NCALD: variants seen among roughly 807,000 people sequenced by gnomAD.
NCALD encodes the protein neurocalcin-delta.
A neutral mutation model predicts 18.6 loss-of-function variants in NCALD; 10 were observed. The observed-to-expected ratio is 0.54, with a 90% CI of 0.33 to 0.91. NCALD has a LOEUF of 0.91. Ranked by LOEUF, NCALD falls within the 40% of genes least tolerant of loss-of-function variation. NCALD has a pLI of 0.03. For missense variants in NCALD, 184 were observed against 247.6 expected, an observed-to-expected ratio of 0.74 and a Z score of 1.72; for synonymous variants, 88 against 87.4, an observed-to-expected ratio of 1.01 and a Z score of -0.04.
chr8:101,894,681 A>G (rs1295316368), intron 3 of NCALD, among the ~76,000 whole-genome samples: 2 of 151,236 alleles, frequency 1.3e-5, no homozygotes, highest in African/African-American at 4.9e-5. Context: ...TAAAGGGGGT[A>G]TCACCACAGA....
chr8:101,784,758 C>G (rs1343598114), intron 1 of NCALD, among the ~76,000 whole-genome samples: 1 of 151,898 alleles, frequency 6.6e-6, no homozygotes, highest in Non-Finnish European at 1.5e-5. Context: ...ATGATTACAC[C>G]ACTGCACTTC....
chr8:101,997,827 G>A (rs540304857), intron 2 of NCALD, among the ~76,000 whole-genome samples: 2 of 152,274 alleles, frequency 1.3e-5, no homozygotes, highest in East Asian at 1.9e-4. Context: ...ACAGCTGGGG[G>A]TATGAGAGGC....
rs112745247 is a variant in NCALD at position 101,827,330 on chromosome 8, T to C, written c.-20+59811A>G. 5.7e-3 allele frequency among the ~76,000 whole-genome samples: 866 copies of C among 152,330 alleles called. 11 individuals are homozygous for C. The highest frequency in any genetic ancestry group is 0.018 in the African/African-American group (761 of 41,570). The stretch of plus-strand genomic sequence containing the variant: ...GATTATCTCTCCATCTCAAGATCCT[T>C]AATTTAATCGCCTCTGCAAAGACCC... On this transcript the variant is annotated intron_variant, in intron 4 of 6. Coordinates refer to the NCALD transcript ENST00000311028.
chr8:101,691,013 C>CT (rs940096889), intron 3 of NCALD: 1 of 985,300 alleles, frequency 1.0e-6, no homozygotes, highest in African/African-American at 1.7e-5. Flanking sequence ...CCAGATTTTT[C>CT]TTTTCAAATC....
chr8:102,012,824 C>T (rs193084642), intron 2 of NCALD, among the ~76,000 whole-genome samples: 4 of 152,294 alleles, frequency 2.6e-5, no homozygotes, highest in Admixed American at 2.0e-4. Flanking sequence ...GACTGCAAAA[C>T]ACACATGAAT....
chr8:101,716,489 A>G (rs1046714048), intron 2 of NCALD, among the ~76,000 whole-genome samples: 15 of 152,250 alleles, frequency 9.9e-5, no homozygotes, highest in African/African-American at 3.1e-4. Flanking sequence ...AGAAAAAATT[A>G]TAAAAAAATA....
At chr8:101,785,920 G>C (rs949480964) in intron 1 of NCALD, 6 of 152,236 alleles carry the variant, frequency 3.9e-5, no homozygotes, top group African/African-American at 1.4e-4. Context: ...ACCAGCTGCA[G>C]AATGTCTCTT....
chr8:101,844,059 C>T (rs1490250458), intron 4 of NCALD, among the ~76,000 whole-genome samples: 1 of 152,240 alleles, frequency 6.6e-6, no homozygotes, highest in Non-Finnish European at 1.5e-5. Context: ...TTCTCTTCCA[C>T]CCTTCCATCC....
intron 2 of NCALD, among the ~76,000 whole-genome samples, chr8:101,697,214 G>A (rs1486505937): frequency 6.6e-6 from 1 of 151,770 alleles, no homozygotes; most frequent in African/African-American, 2.4e-5. Context: ...ATAAATTCCT[G>A]GACACATACA....
chr8:101,844,717 C>T (rs1282853648), intron 4 of NCALD, among the ~76,000 whole-genome samples: 1 of 152,016 alleles, frequency 6.6e-6, no homozygotes. Context: ...GATGAGACCC[C>T]TATAGAGAGA....
chr8:101,806,454 G>A (rs1399142011), intron 4 of NCALD, among the ~76,000 whole-genome samples: 1 of 150,376 alleles, frequency 6.6e-6, no homozygotes, highest in Non-Finnish European at 1.5e-5. Flanking sequence ...ACTTTATGAA[G>A]TAAAAGAGGC....
At chr8:101,833,610 G>GTTTTTTTTTTTTTTTTTTTT (rs555031298) in intron 4 of NCALD, among the ~76,000 whole-genome samples, 2 of 88,466 alleles carry the variant, frequency 2.3e-5, no homozygotes, top group East Asian at 3.4e-4. Flanking sequence ...TTTGTTTCTT[G>GTTTTTTTTTTTTTTTTTTTT]TTTTTTTTTT....
At chr8:102,033,045 A>G (rs1430261223) in intron 1 of NCALD, among the ~76,000 whole-genome samples, 4 of 152,216 alleles carry the variant, frequency 2.6e-5, no homozygotes, top group Admixed American at 1.3e-4. Flanking sequence ...TCTTAGGGAA[A>G]TAAACATTTC....
intron 4 of NCALD, among the ~76,000 whole-genome samples, chr8:101,801,342 C>T (rs1812843137): frequency 6.6e-6 from 1 of 152,020 alleles, no homozygotes; most frequent in Admixed American, 6.6e-5. Flanking sequence ...ACAAAATTAA[C>T]CAATTTGACC....
upstream of NCALD, among the ~76,000 whole-genome samples, chr8:101,795,542 A>G (rs889243129): frequency 8.5e-5 from 13 of 152,274 alleles, no homozygotes; most frequent in African/African-American, 2.9e-4. Context: ...GGCCTCTTTT[A>G]TAAGGAAATT....
chr8:101,961,040 T>G (rs370475346), intron 2 of NCALD, among the ~76,000 whole-genome samples: 227 of 152,290 alleles, frequency 1.5e-3, no homozygotes, highest in African/African-American at 5.2e-3. Context: ...TTGGCTTATT[T>G]AATCATTGTC....
At chr8:101,709,389 A>G (rs1365141070) in intron 2 of NCALD, among the ~76,000 whole-genome samples, 1 of 152,146 alleles carries the variant, frequency 6.6e-6, no homozygotes, top group Admixed American at 6.5e-5. Flanking sequence ...TCAGGTACAG[A>G]TGGTCTAATG....
chr8:101,970,145 A>AG (rs1820185853), intron 2 of NCALD, among the ~76,000 whole-genome samples: 1 of 152,208 alleles, frequency 6.6e-6, no homozygotes, highest in Non-Finnish European at 1.5e-5. Flanking sequence ...CTTAGCTATC[A>AG]CAGATCATTT....
intron 4 of NCALD, among the ~76,000 whole-genome samples, chr8:101,861,957 G>A (rs1815561122): frequency 6.6e-6 from 1 of 152,032 alleles, no homozygotes. Flanking sequence ...TTGCCCTCAG[G>A]GAATTTGCAA....
Sources: allele counts gnomAD v4.1 joint callset (sites outside exome capture counted in the v4.1 genomes callset), GRCh38; gene constraint gnomAD v4.1.1; transcripts MANE v1.5; gene names NCBI Gene and HGNC (gene_info 2026-07-23, HGNC 2026-07-21).